PVT1: variants seen among roughly 807,000 people sequenced by gnomAD.
The protein encoded by PVT1 is CXCR4/PVT1 fusion.
At chr8:127,854,514 G>A (rs1815141645) in intron 2 of PVT1, among the ~76,000 whole-genome samples, 1 of 152,208 alleles carries the variant, frequency 6.6e-6, no homozygotes, top group Non-Finnish European at 1.5e-5. Context: ...TCTGATGCCA[G>A]AGAGACACTC....
At chr8:127,827,810 G>C (rs1415979541) in intron 2 of PVT1, among the ~76,000 whole-genome samples, 1 of 152,116 alleles carries the variant, frequency 6.6e-6, no homozygotes, top group Non-Finnish European at 1.5e-5. Flanking sequence ...AGGGGCAGGG[G>C]TGGAAAGCCT....
At chr8:127,811,268 A>C (rs559925520) in intron 2 of PVT1, among the ~76,000 whole-genome samples, 2 of 152,148 alleles carry the variant, frequency 1.3e-5, no homozygotes, top group Non-Finnish European at 2.9e-5. Flanking sequence ...TTAAAATATA[A>C]ACTCTCCTGA....
chr8:127,812,557 C>CA (rs1045940544), intron 2 of PVT1, among the ~76,000 whole-genome samples: 45 of 120,802 alleles, frequency 3.7e-4, no homozygotes, highest in Admixed American at 1.5e-3. Flanking sequence ...AAGACCTTGT[C>CA]AAAAAAAGAA....
intron 4 of PVT1, among the ~76,000 whole-genome samples, chr8:128,056,000 T>C (rs1813758020): frequency 6.6e-6 from 1 of 152,234 alleles, no homozygotes; most frequent in Non-Finnish European, 1.5e-5. Flanking sequence ...CACTCACTAC[T>C]GGACACAGTC....
chr8:127,870,294 A>G (rs947449467), intron 2 of PVT1, among the ~76,000 whole-genome samples: 2 of 152,164 alleles, frequency 1.3e-5, no homozygotes, highest in Non-Finnish European at 2.9e-5. Flanking sequence ...CAAGCCAAGG[A>G]GCTCCAAGGA....
At chr8:127,984,837 T>TTTTCTTTTCTTTCTTTCTCTCTTTC in intron 3 of PVT1, among the ~76,000 whole-genome samples, 1 of 81,282 alleles carries the variant, frequency 1.2e-5, no homozygotes, top group East Asian at 3.5e-4. Flanking sequence ...CTTTCTTTTC[T>TTTTCTTTTCTTTCTTTCTCTCTTTC]TTTCTTTCTT....
In PVT1 at chr8:127,856,076, C is replaced by T. The variant is rs114182475; in HGVS notation, n.373-34513C>T. ...TCTTTATCAAAAGTAGAGCAAGAAA[C>T]TTGAGGACTCTGTTTCTAGAAAAAT... is the stretch of plus-strand genomic sequence containing the variant. On this transcript the variant is annotated intron_variant and non_coding_transcript_variant, in intron 2 of 10. Transcript: ENST00000651587. Among the ~76,000 whole-genome samples the T allele has an allele frequency of 8.9e-3, 1,350 of 152,312 alleles. 23 individuals are homozygous for T. Among genetic ancestry groups the T allele is most frequent in the African/African-American group, 0.031 (1,273 of 41,562 alleles).
At chr8:128,068,783 C>T (rs1813945622) in intron 4 of PVT1, among the ~76,000 whole-genome samples, 1 of 152,350 alleles carries the variant, frequency 6.6e-6, no homozygotes, top group South Asian at 2.1e-4. Flanking sequence ...TGAGCCACTG[C>T]ACCCGGCCAG....
chr8:127,931,866 A>G (rs929559643), intron 3 of PVT1, among the ~76,000 whole-genome samples: 1 of 152,270 alleles, frequency 6.6e-6, no homozygotes, highest in Non-Finnish European at 1.5e-5. Flanking sequence ...AGGGCCAGAA[A>G]GTGAGAGGGG....
intron 3 of PVT1, among the ~76,000 whole-genome samples, chr8:127,937,548 G>GACACACACACACACAC (rs35147410): frequency 2.4e-3 from 300 of 122,666 alleles, no homozygotes; most frequent in African/African-American, 9.8e-3. Context: ...TAGGGAAAAA[G>GACACACACACACACAC]ACACACACAC....
intron 2 of PVT1, among the ~76,000 whole-genome samples, chr8:127,812,955 G>A (rs1452271976): frequency 6.6e-6 from 1 of 151,964 alleles, no homozygotes; most frequent in Non-Finnish European, 1.5e-5. Context: ...CATTTAGGAG[G>A]CACAGAGTGA....
At chr8:127,909,053 C>T (rs991940984) in intron 3 of PVT1, among the ~76,000 whole-genome samples, 58 of 152,060 alleles carry the variant, frequency 3.8e-4, no homozygotes, top group Middle Eastern at 3.2e-3. Context: ...CCATGTCTCT[C>T]GTGATCCTGT....
chr8:127,796,847 A>C (rs1286997522), intron 2 of PVT1, among the ~76,000 whole-genome samples: 1 of 149,632 alleles, frequency 6.7e-6, no homozygotes, highest in Non-Finnish European at 1.5e-5. Context: ...TTGGCTGCAG[A>C]CATAAGATTC....
At chr8:127,891,184 A>G (rs1435650542) in intron 3 of PVT1, among the ~76,000 whole-genome samples, 2 of 152,022 alleles carry the variant, frequency 1.3e-5, no homozygotes, top group African/African-American at 2.4e-5. Context: ...GTGTTATTGT[A>G]CCTGTCACCA....
At chr8:127,989,168 G>A (rs1409577543) in exon 4 of PVT1, 2 of 152,130 alleles carry the variant, frequency 1.3e-5, no homozygotes, top group African/African-American at 4.8e-5. Flanking sequence ...CTAGAATCCT[G>A]TTACACCTGG....
chr8:127,813,918 G>T (rs1162332176), intron 2 of PVT1, among the ~76,000 whole-genome samples: 1 of 152,074 alleles, frequency 6.6e-6, no homozygotes, highest in Admixed American at 6.5e-5. Context: ...GAGTAGCTGG[G>T]ATTACAGGCA....
At chr8:127,848,421 C>T (rs1176651725) in intron 2 of PVT1, among the ~76,000 whole-genome samples, 2 of 152,220 alleles carry the variant, frequency 1.3e-5, no homozygotes, top group Admixed American at 6.5e-5. Flanking sequence ...CAGTGGCTCA[C>T]GCCTGTAATC....
intron 3 of PVT1, among the ~76,000 whole-genome samples, chr8:127,926,362 C>G (rs751067214): frequency 6.6e-6 from 1 of 152,220 alleles, no homozygotes; most frequent in Admixed American, 6.5e-5. Context: ...GACCGGTACA[C>G]TCACCCCAGC....
chr8:128,061,466 G>A (rs2648879), intron 4 of PVT1, among the ~76,000 whole-genome samples: 101,881 of 152,108 alleles, frequency 0.67, 34,429 homozygotes, highest in East Asian at 0.86. Flanking sequence ...CTGAAGGTTC[G>A]TACAAGACTT....
Sources: allele counts gnomAD v4.1 joint callset (sites outside exome capture counted in the v4.1 genomes callset), GRCh38; gene constraint gnomAD v4.1.1; transcripts MANE v1.5; gene names NCBI Gene and HGNC (gene_info 2026-07-23, HGNC 2026-07-21).